Variants in STPG2 observed in about 807,000 individuals in gnomAD.
The protein encoded by STPG2 is sperm-tail PG-rich repeat-containing protein 2.
In STPG2, 56 loss-of-function variants were observed where a neutral mutation model predicts 54.2. That is an observed-to-expected ratio of 1.03 (90% CI 0.83 to 1.29). The LOEUF is 1.29. Among genes scored for constraint, STPG2 ranks in the 50% most tolerant of loss-of-function variants. The probability of loss-of-function intolerance (pLI) is 0.00; values close to 1 mark genes in which losing one functional copy is unlikely to be tolerated. For missense variants in STPG2, 596 were observed against 544.9 expected (o/e 1.09, Z -0.93); for synonymous variants, 200 against 181.8 (o/e 1.10, Z -0.81).
chr4:97,750,817 T>C (rs1004909201), intron 9 of STPG2, among the ~76,000 whole-genome samples: 14 of 151,746 alleles, frequency 9.2e-5, no homozygotes, highest in Non-Finnish European at 4.4e-5. Context: ...CAACACTTCA[T>C]TAATGGAATT....
intron 10 of STPG2, among the ~76,000 whole-genome samples, chr4:97,588,825 A>T (rs61456001): frequency 6.6e-6 from 1 of 152,072 alleles, no homozygotes; most frequent in Non-Finnish European, 1.5e-5. Context: ...CAATTAAAGT[A>T]TCCAAAAATA....
chr4:97,921,989 A>T (rs1732127075), intron 8 of STPG2, among the ~76,000 whole-genome samples: 1 of 152,174 alleles, frequency 6.6e-6, no homozygotes, highest in Non-Finnish European at 1.5e-5. Context: ...TTAAAAGCAG[A>T]GAGTAGAATG....
chr4:98,001,945 GAGTATA>G (rs887919587), intron 5 of STPG2, among the ~76,000 whole-genome samples: 29 of 152,052 alleles, frequency 1.9e-4, no homozygotes, highest in African/African-American at 6.3e-4. Flanking sequence ...TAATATCTTA[GAGTATA>G]AGTATATTTA....
At chr4:97,745,848 A>G (rs188657856) in intron 9 of STPG2, among the ~76,000 whole-genome samples, 1 of 151,316 alleles carries the variant, frequency 6.6e-6, no homozygotes, top group Non-Finnish European at 1.5e-5. Context: ...CTAACAAAAT[A>G]AAAGTTCTCA....
At chr4:97,710,863 T>C (rs1724090786) in intron 10 of STPG2, among the ~76,000 whole-genome samples, 1 of 152,030 alleles carries the variant, frequency 6.6e-6, no homozygotes, top group African/African-American at 2.4e-5. Context: ...GACTCAGTTC[T>C]CAACAGAAAA....
chr4:97,922,570 T>C (rs928962658), intron 8 of STPG2, among the ~76,000 whole-genome samples: 8 of 152,218 alleles, frequency 5.3e-5, no homozygotes, highest in African/African-American at 1.9e-4. Flanking sequence ...TGTATAAAAA[T>C]GCACAGGTAT....
chr4:97,866,260 T>C (rs1729774640), intron 8 of STPG2, among the ~76,000 whole-genome samples: 1 of 151,916 alleles, frequency 6.6e-6, no homozygotes, highest in Non-Finnish European at 1.5e-5. Context: ...AATTGAATTG[T>C]CCATAACAAA....
At chr4:98,061,130 C>A (rs966530948) in intron 5 of STPG2, among the ~76,000 whole-genome samples, 1 of 152,144 alleles carries the variant, frequency 6.6e-6, no homozygotes, top group African/African-American at 2.4e-5. Context: ...GGTAAACAGA[C>A]AACCTACAGA....
Position 97,943,861 on chromosome 4 carries a change from G to A in STPG2, c.1044+36C>T, listed in dbSNP as rs201025912. On this transcript the variant is annotated intron_variant, in intron 8 of 10. Coordinates refer to ENST00000295268, the MANE Select transcript of STPG2 (RefSeq NM_174952.3). ...TATGCAGCCTCCTCCATGATTTCTAGATAATGAAAATATTTGATTGTAGGA... is the reference window on the plus strand; with the variant it reads ...TATGCAGCCTCCTCCATGATTTCTAAATAATGAAAATATTTGATTGTAGGA... 2.2e-5 allele frequency: 32 copies of A among 1,423,370 alleles called. No individual in the cohort carries two copies. In the East Asian group the frequency reaches 7.8e-4, roughly 35 times the overall value. The allele number at this position is 1,423,370 out of a possible 1,614,324, so 88.2% of individuals were successfully genotyped here.
At chr4:97,769,812 T>C (rs951652395) in intron 9 of STPG2, among the ~76,000 whole-genome samples, 1 of 152,140 alleles carries the variant, frequency 6.6e-6, no homozygotes, top group African/African-American at 2.4e-5. Context: ...CCACATCCCA[T>C]GCACCATTTT....
intron 7 of STPG2, among the ~76,000 whole-genome samples, chr4:97,953,607 G>T (rs1733553859): frequency 6.6e-6 from 1 of 152,338 alleles, no homozygotes; most frequent in South Asian, 2.1e-4. Flanking sequence ...AAAAATGCCT[G>T]CAAGGCTCTT....
chr4:97,833,761 C>G (rs687795), intron 9 of STPG2, among the ~76,000 whole-genome samples: 88,675 of 151,892 alleles, frequency 0.58, 26,423 homozygotes, highest in East Asian at 0.74. Flanking sequence ...AAACAAAAAA[C>G]CTCGTCATCA....
chr4:98,132,052 C>CT (rs1017850699), intron 2 of STPG2, among the ~76,000 whole-genome samples: 9 of 152,082 alleles, frequency 5.9e-5, no homozygotes, highest in African/African-American at 2.2e-4. Flanking sequence ...AAATTTTAAG[C>CT]TTTTTTACTT....
chr4:97,993,910 T>A (rs148785909), intron 5 of STPG2, among the ~76,000 whole-genome samples: 87 of 152,336 alleles, frequency 5.7e-4, no homozygotes, highest in African/African-American at 2.1e-3. Flanking sequence ...TCTTTTGTAT[T>A]TCTGTGGTAT....
At chr4:97,896,327 T>C (rs1560576135) in intron 8 of STPG2, among the ~76,000 whole-genome samples, 1 of 151,654 alleles carries the variant, frequency 6.6e-6, no homozygotes, top group Non-Finnish European at 1.5e-5. Flanking sequence ...ATGAAACCTA[T>C]TACATACAAA....
chr4:97,488,557 A>T (rs1289029015), intron 4 of STPG2, among the ~76,000 whole-genome samples: 1 of 151,714 alleles, frequency 6.6e-6, no homozygotes, highest in East Asian at 1.9e-4. Flanking sequence ...AGTAGTGAAG[A>T]ATCAATGTTT....
At chr4:97,923,904 G>A (rs1345973343) in intron 8 of STPG2, among the ~76,000 whole-genome samples, 7 of 152,084 alleles carry the variant, frequency 4.6e-5, no homozygotes, top group African/African-American at 9.7e-5. Flanking sequence ...CAGACCAATC[G>A]GCTCTCTGTA....
At chr4:97,758,533 A>G (rs538141063) in intron 9 of STPG2, among the ~76,000 whole-genome samples, 1 of 152,304 alleles carries the variant, frequency 6.6e-6, no homozygotes, top group South Asian at 2.1e-4. Context: ...CAGAAAACCA[A>G]GCACCGCATG....
intron 10 of STPG2, among the ~76,000 whole-genome samples, chr4:97,572,171 A>G (rs969181800): frequency 6.6e-6 from 1 of 152,120 alleles, no homozygotes; most frequent in African/African-American, 2.4e-5. Context: ...TCTGCATTTC[A>G]GTTTTCATTT....
Sources: allele counts gnomAD v4.1 joint callset (sites outside exome capture counted in the v4.1 genomes callset), GRCh38; gene constraint gnomAD v4.1.1; transcripts MANE v1.5; gene names NCBI Gene and HGNC (gene_info 2026-07-23, HGNC 2026-07-21).